The following RFC2 variants were observed in gnomAD, a reference collection of about 807,000 sequenced individuals.
RFC2 encodes replication factor C subunit 2.
In RFC2, 34 loss-of-function variants were observed where a neutral mutation model predicts 44.8. The observed-to-expected ratio is 0.76, with a 90% CI of 0.58 to 1.01. The LOEUF (loss-of-function observed/expected upper bound fraction) is 1.01. RFC2 is among the 50% of genes least tolerant of loss of function. The pLI is 0.00. For synonymous variants in RFC2, 177 were observed against 168.9 expected (o/e 1.05, Z -0.37); for missense variants, 400 against 453.6 (o/e 0.88, Z 1.07).
At chr7:74,248,967 A>C (rs782076498) in intron 4 of RFC2, 45 bp downstream of exon 4, 1 of 1,349,946 alleles carries the variant, frequency 7.4e-7, no homozygotes, top group Non-Finnish European at 1.1e-6. Context: ...AACAATTCTC[A>C]ATGCAGAGCA....
rs1554718485 is a variant in RFC2 at position 74,237,347 on chromosome 7, G to A, written c.840+15C>T. ...TGAGCGGTTCCTCTGCCAGGACGGG[G>A]GGAAGGAGGCCAACCTTGTAGGCTT... On this transcript the variant is annotated intron_variant, in intron 9 of 10. Coordinates refer to ENST00000055077, the MANE Select transcript of RFC2 (RefSeq NM_181471.3). 1 of 1,593,826 alleles carries A rather than the reference G, an allele frequency of 6.3e-7. No individual in the cohort carries two copies. The highest frequency in any genetic ancestry group is 1.8e-5 in the Admixed American group (1 of 56,638).
intron 6 of RFC2, among the ~76,000 whole-genome samples, chr7:74,241,720 G>A (rs575033417): frequency 1.8e-4 from 28 of 152,350 alleles, no homozygotes; most frequent in African/African-American, 6.0e-4. Flanking sequence ...AGCACTTTGC[G>A]AGGCCGAGGT....
chr7:74,245,685 C>G (rs1401617827), intron 5 of RFC2, among the ~76,000 whole-genome samples: 3 of 147,320 alleles, frequency 2.0e-5, no homozygotes, highest in Non-Finnish European at 3.0e-5. Context: ...TGCACTCCAG[C>G]CTGGGCGACA....
chr7:74,252,428 C>T lies in RFC2; in HGVS notation c.183+1G>A, dbSNP rs781880450. 1 of 1,579,242 alleles carries T rather than the reference C, an allele frequency of 6.3e-7. No homozygotes were observed. ...TCTCAAAAAAAAAAAAAGCCACTCA[C>T]CTCTAGCCTGCTCACGGTGTCTTCA... On this transcript the variant is annotated splice_donor_variant, in intron 2 of 10. Transcript: ENST00000055077. LOFTEE classifies it high-confidence loss of function.
chr7:74,240,249 C>A (rs1803254188), intron 6 of RFC2, among the ~76,000 whole-genome samples, 154 bp from the exon 7 acceptor site: 1 of 152,118 alleles, frequency 6.6e-6, no homozygotes, highest in African/African-American at 2.4e-5. Context: ...ACGCCTGAAT[C>A]CCAGCACTTT....
intron 10 of RFC2, among the ~76,000 whole-genome samples, chr7:74,234,860 G>T (rs1563985426): frequency 6.6e-6 from 1 of 152,088 alleles, no homozygotes; most frequent in Non-Finnish European, 1.5e-5. Context: ...TACATGTACA[G>T]CCTGCAGAAC....
Position 74,238,950 on chromosome 7 carries a change from G to A in RFC2, c.732C>T (p.Gly244=). The A allele has an allele frequency of 1.2e-6, 2 of 1,613,972 alleles. No individual in the cohort carries two copies. Among genetic ancestry groups the A allele is most frequent in the Non-Finnish European group, 1.7e-6 (2 of 1,179,878 alleles). The change falls in exon 8 of 11, where the codon GGC becomes GGT. Residue 244 remains glycine (G), a synonymous_variant. Coordinates refer to ENST00000055077, the MANE Select transcript of RFC2 (RefSeq NM_181471.3). This position sits in a 1 kb window ranked among gnomAD's most constrained non-coding sequence, Gnocchi z 4.0. ...TGAACACGTTCTCACTGTTAATGAA[G>A]CCAAATCCTGAGAAGGTGGACTGCA... The part of the protein sequence containing the change: ...NNLQSTFSGF[G]FINSENVFKV...
chr7:74,249,689 A>C (rs1803823528), intron 3 of RFC2, 50 bp downstream of exon 3: 1 of 1,476,454 alleles, frequency 6.8e-7, no homozygotes, highest in African/African-American at 1.4e-5. Context: ...TTCAGCGGAC[A>C]GTGGGATGAG....
At chr7:74,246,343 G>A (rs1803606043) in intron 5 of RFC2, among the ~76,000 whole-genome samples, 1 of 150,122 alleles carries the variant, frequency 6.7e-6, no homozygotes, top group Non-Finnish European at 1.5e-5. Flanking sequence ...AGGTTGCAGT[G>A]AGCAGAGATC....
At chr7:74,240,509 A>T (rs1803272268) in intron 6 of RFC2, among the ~76,000 whole-genome samples, 1 of 151,606 alleles carries the variant, frequency 6.6e-6, no homozygotes, top group Non-Finnish European at 1.5e-5. Flanking sequence ...CTCCAAAAAA[A>T]AAAAAAAAAA....
At chr7:74,242,108 G>A (rs551183155) in intron 6 of RFC2, among the ~76,000 whole-genome samples, 26 of 152,274 alleles carry the variant, frequency 1.7e-4, no homozygotes, top group Non-Finnish European at 2.5e-4. Context: ...GAGAAAAGAC[G>A]GACTGCAGGA....
At chr7:74,252,673 A>G (rs189242666) in intron 1 of RFC2, among the ~76,000 whole-genome samples, 175 bp from the exon 2 acceptor site, 1 of 152,132 alleles carries the variant, frequency 6.6e-6, no homozygotes, top group Non-Finnish European at 1.5e-5. Flanking sequence ...AGTGGCTCAC[A>G]CCTGTAATCC....
chr7:74,235,749 T>G (rs951250492), intron 9 of RFC2, 104 bp from the exon 10 acceptor site: 2 of 744,104 alleles, frequency 2.7e-6, no homozygotes, highest in African/African-American at 1.7e-5. Flanking sequence ...TCAGGTCACA[T>G]GGGGGTACCT....
intron 10 of RFC2, chr7:74,233,824 G>A (rs1554717711): frequency 1.1e-5 from 5 of 456,374 alleles, no homozygotes; most frequent in Non-Finnish European, 2.2e-5. Context: ...TGGTGGCTAG[G>A]TTGAGGATCC....
At chr7:74,247,114 A>C (rs1354106253) in intron 4 of RFC2, among the ~76,000 whole-genome samples, 1 of 144,978 alleles carries the variant, frequency 6.9e-6, no homozygotes, top group African/African-American at 2.5e-5. Context: ...CCTGGCGATA[A>C]TTCGTCTCAA....
chr7:74,245,968 G>A (rs1402772499), intron 5 of RFC2, among the ~76,000 whole-genome samples: 3 of 151,428 alleles, frequency 2.0e-5, no homozygotes, highest in Non-Finnish European at 2.9e-5. Context: ...AGGCTGAGGC[G>A]GGCGGATCAC....
chr7:74,246,572 T>A (rs782331727), intron 5 of RFC2, 90 bp downstream of exon 5: 23 of 767,458 alleles, frequency 3.0e-5, no homozygotes, highest in Non-Finnish European at 4.8e-5. Flanking sequence ...TAAGCAAATC[T>A]ACCATAAAAG....
At chr7:74,237,588 T>A (rs1394221195) in intron 8 of RFC2, 146 bp from the exon 9 acceptor site, 7 of 489,820 alleles carry the variant, frequency 1.4e-5, no homozygotes, top group African/African-American at 7.6e-5. Context: ...CAGGATGAGT[T>A]TGGGGAATGC....
chr7:74,241,537 G>A (rs1388757941), intron 6 of RFC2, among the ~76,000 whole-genome samples: 1 of 152,202 alleles, frequency 6.6e-6, no homozygotes, highest in Admixed American at 6.6e-5. Context: ...GTGGCAAGGG[G>A]GTTGTCAGAT....
Sources: gnomAD v4.1 joint callset for allele counts (sites outside exome capture counted in the v4.1 genomes callset) on GRCh38, gnomAD v4.1.1 for gene constraint, Gnocchi (gnomAD v3.1) non-coding constraint, MANE v1.5 for transcripts, NCBI Gene and HGNC (gene_info 2026-07-23, HGNC 2026-07-21) for gene names.